RAB3B: variants seen among roughly 807,000 people sequenced by gnomAD.
The protein encoded by RAB3B is ras-related protein Rab-3B.
A neutral mutation model predicts 20.5 loss-of-function variants in RAB3B; 11 were observed. The ratio of observed to expected loss-of-function variants is 0.54; its 90% confidence interval spans 0.34 to 0.89. The LOEUF is 0.89. Ranked by LOEUF, RAB3B falls within the 40% of genes least tolerant of loss-of-function variation. The probability of loss-of-function intolerance (pLI) is 0.02; values close to 1 mark genes in which losing one functional copy is unlikely to be tolerated. For missense variants in RAB3B, 225 were observed against 280.9 expected (o/e 0.80, Z 1.42); for synonymous variants, 99 against 106.3 (o/e 0.93, Z 0.42).
chr1:51,986,822 G>A (rs970323354), intron 1 of RAB3B, among the ~76,000 whole-genome samples: 1 of 152,206 alleles, frequency 6.6e-6, no homozygotes, highest in African/African-American at 2.4e-5. Flanking sequence ...CTTCTTAGGA[G>A]GGGGCGGCCA....
intron 2 of RAB3B, among the ~76,000 whole-genome samples, chr1:51,966,156 T>A (rs1684848900): frequency 6.6e-6 from 1 of 152,260 alleles, no homozygotes; most frequent in Non-Finnish European, 1.5e-5. Context: ...AAAGCAATTA[T>A]GCTCTTGCAA....
chr1:51,978,954 C>T (rs1244137763), intron 1 of RAB3B, among the ~76,000 whole-genome samples: 1 of 152,154 alleles, frequency 6.6e-6, no homozygotes, highest in Non-Finnish European at 1.5e-5. Context: ...AATAAAAGTT[C>T]CTTGCATATG....
chr1:51,956,153 T>A (rs1347000337), intron 2 of RAB3B, among the ~76,000 whole-genome samples: 1 of 152,188 alleles, frequency 6.6e-6, no homozygotes, highest in Non-Finnish European at 1.5e-5. Context: ...ATGAATACTG[T>A]GCACCCTGCG....
chr1:51,941,443 T>C (rs974550565), intron 2 of RAB3B, among the ~76,000 whole-genome samples: 3 of 152,170 alleles, frequency 2.0e-5, no homozygotes, highest in Non-Finnish European at 4.4e-5. Flanking sequence ...GGTTAGAAGA[T>C]CTTTGCAGTA....
chr1:51,980,917 G>GTT, intron 1 of RAB3B: 1 of 455,226 alleles, frequency 2.2e-6, no homozygotes, highest in East Asian at 3.8e-5. Flanking sequence ...TTAATACTAT[G>GTT]TTTTATTTGT....
At chr1:51,965,102 C>T (rs1318230035) in intron 2 of RAB3B, among the ~76,000 whole-genome samples, 1 of 151,732 alleles carries the variant, frequency 6.6e-6, no homozygotes, top group East Asian at 1.9e-4. Flanking sequence ...ACTTGTAATC[C>T]CAGCCACTCA....
intron 1 of RAB3B, among the ~76,000 whole-genome samples, chr1:51,978,981 G>A (rs756495526): frequency 2.0e-5 from 3 of 152,210 alleles, no homozygotes; most frequent in Admixed American, 6.5e-5. Flanking sequence ...CTGGACTCCT[G>A]TGGTCTCTGT....
At chr1:51,940,942 A>C (rs1684485031) in intron 2 of RAB3B, among the ~76,000 whole-genome samples, 1 of 151,984 alleles carries the variant, frequency 6.6e-6, no homozygotes, top group South Asian at 2.1e-4. Context: ...TTCCCATTTC[A>C]CTGGCCAAAG....
intron 4 of RAB3B, among the ~76,000 whole-genome samples, chr1:51,923,105 G>A (rs1374117256): frequency 6.6e-6 from 1 of 152,194 alleles, no homozygotes; most frequent in Admixed American, 6.5e-5. Context: ...GCTAATAAAG[G>A]CATCAGTCTC....
chr1:51,952,609 T>C (rs916314978), intron 2 of RAB3B, among the ~76,000 whole-genome samples: 4 of 151,910 alleles, frequency 2.6e-5, no homozygotes, highest in Non-Finnish European at 5.9e-5. Context: ...CAGTGTCTAA[T>C]GCAATACTTG....
intron 3 of RAB3B, among the ~76,000 whole-genome samples, chr1:51,936,822 T>C (rs1050273318): frequency 6.6e-6 from 1 of 151,944 alleles, no homozygotes; most frequent in African/African-American, 2.4e-5. Context: ...TTCTTTCTTT[T>C]TTTTTTTTTA....
intron 1 of RAB3B, among the ~76,000 whole-genome samples, chr1:51,986,642 A>C (rs2783174): frequency 0.97 from 146,965 of 152,244 alleles, 71,134 homozygotes; most frequent in East Asian, 1. Flanking sequence ...AAAGAAGCAT[A>C]CCCAACATCC....
intron 1 of RAB3B, among the ~76,000 whole-genome samples, chr1:51,984,680 T>G (rs1276475682): frequency 6.6e-6 from 1 of 152,230 alleles, no homozygotes; most frequent in Non-Finnish European, 1.5e-5. Context: ...TTATTATACA[T>G]GAAACTGCAG....
At chr1:51,929,329 C>T (rs1210036136) in intron 4 of RAB3B, among the ~76,000 whole-genome samples, 1 of 151,122 alleles carries the variant, frequency 6.6e-6, no homozygotes, top group African/African-American at 2.4e-5. Flanking sequence ...ACATTCTCTC[C>T]CTTTTTTTTT....
At chr1:51,967,269 T>C (rs1684866151) in intron 2 of RAB3B, among the ~76,000 whole-genome samples, 1 of 151,928 alleles carries the variant, frequency 6.6e-6, no homozygotes, top group Non-Finnish European at 1.5e-5. Flanking sequence ...GCCAAGATTA[T>C]GCCATGGCAC....
chr1:51,950,776 G>A (rs1282465182), intron 2 of RAB3B, among the ~76,000 whole-genome samples: 1 of 152,182 alleles, frequency 6.6e-6, no homozygotes, highest in Non-Finnish European at 1.5e-5. Context: ...TGAGCACCAG[G>A]GAGGCAGGTA....
intron 4 of RAB3B, among the ~76,000 whole-genome samples, chr1:51,932,021 C>G (rs1684333800): frequency 6.6e-6 from 1 of 152,108 alleles, no homozygotes; most frequent in Non-Finnish European, 1.5e-5. Context: ...CTGAGAACCT[C>G]TGTGATAGTG....
intron 2 of RAB3B, among the ~76,000 whole-genome samples, chr1:51,945,198 G>T (rs1684548004): frequency 6.6e-6 from 1 of 152,076 alleles, no homozygotes; most frequent in South Asian, 2.1e-4. Context: ...TTGAAACAGG[G>T]TCTCACTCTG....
intron 1 of RAB3B, among the ~76,000 whole-genome samples, chr1:51,978,853 TGAGCTGTAAGGA>T (rs1685045322): frequency 6.6e-6 from 1 of 152,198 alleles, no homozygotes; most frequent in Non-Finnish European, 1.5e-5. Flanking sequence ...GCCTCTCAGA[TGAGCTGTAAGGA>T]TAAGGAGCTG....
Sources: gnomAD v4.1 joint callset for allele counts (sites outside exome capture counted in the v4.1 genomes callset) on GRCh38, gnomAD v4.1.1 for gene constraint, MANE v1.5 for transcripts, NCBI Gene and HGNC (gene_info 2026-07-23, HGNC 2026-07-21) for gene names.